Variants in AIG1 observed in about 807,000 individuals in gnomAD.
AIG1 encodes the protein androgen-induced gene 1 protein.
In AIG1, 23 loss-of-function variants were observed where a neutral mutation model predicts 31.4. That is an observed-to-expected ratio of 0.73 (90% confidence interval 0.53 to 1.04). The LOEUF is 1.04. Ranked by LOEUF, AIG1 falls within the 50% of genes least tolerant of loss-of-function variation. The pLI, the probability that AIG1 is intolerant of heterozygous loss-of-function variation, is 0.00. For missense variants in AIG1, 274 were observed against 295.0 expected, an observed-to-expected ratio of 0.93 and a Z score of 0.52; for synonymous variants, 100 against 110.5, an observed-to-expected ratio of 0.90 and a Z score of 0.60.
chr6:143,203,296 A>G (rs1039111737), intron 3 of AIG1, among the ~76,000 whole-genome samples: 2 of 152,186 alleles, frequency 1.3e-5, no homozygotes, highest in Admixed American at 6.5e-5. Context: ...TTCACAGTCC[A>G]TTCTCTAAAC....
intron 3 of AIG1, among the ~76,000 whole-genome samples, chr6:143,276,636 T>C (rs1329232013): frequency 6.6e-6 from 1 of 152,090 alleles, no homozygotes; most frequent in Admixed American, 6.5e-5. Context: ...CAAGAGGAAG[T>C]TCTGTTTGAC....
intron 3 of AIG1, among the ~76,000 whole-genome samples, chr6:143,266,240 G>A (rs145201434): frequency 0.01 from 1,565 of 151,734 alleles, 44 homozygotes; most frequent in East Asian, 0.065. Context: ...CCAGCTACTC[G>A]GGAGGCTGAG....
At chr6:143,219,521 T>C (rs1792303998) in intron 3 of AIG1, among the ~76,000 whole-genome samples, 1 of 152,166 alleles carries the variant, frequency 6.6e-6, no homozygotes, top group Non-Finnish European at 1.5e-5. Flanking sequence ...TTGGTGATTT[T>C]CAAGCCTTGG....
At position 143,130,206 on chromosome 6, in the gene AIG1, G is replaced by A. The variant is rs145732856; in HGVS notation, c.142-6629G>A. Among the ~76,000 whole-genome samples the A allele has an allele frequency of 1.6e-3, 239 of 151,814 alleles. 1 individual carries two copies. Among genetic ancestry groups the A allele is most frequent in the African/African-American group, 5.6e-3 (231 of 41,400 alleles). ...AGTCTCCCAAAGTGCTGGGATTATA[G>A]GTGTGAGCCACCGCGCCCTGCTGAT... On this transcript the variant is annotated intron_variant, in intron 1 of 5. Coordinates refer to ENST00000357847, the MANE Select transcript of AIG1 (RefSeq NM_016108.4).
chr6:143,202,152 A>T (rs1790745299), intron 3 of AIG1, among the ~76,000 whole-genome samples: 1 of 152,174 alleles, frequency 6.6e-6, no homozygotes, highest in Admixed American at 6.5e-5. Flanking sequence ...TCTTCCTCTC[A>T]TTCCTACTGT....
In AIG1 at chr6:143,089,610, A is replaced by T. The variant is rs186097494; in HGVS notation, c.141+28544A>T. On this transcript the variant is annotated intron_variant, in intron 1 of 5. Transcript: ENST00000357847. ...TAGAGGAAAAAGATTTATTTGGCTC[A>T]TGATTCTGCTGGCTGGAAGACTGGG... Among the ~76,000 whole-genome samples the T allele has an allele frequency of 4.2e-4, 64 of 152,336 alleles. 1 individual carries two copies. The highest frequency in any genetic ancestry group is 3.8e-3 in the Admixed American group (58 of 15,300).
chr6:143,252,943 G>T (rs1458676878), intron 3 of AIG1, among the ~76,000 whole-genome samples: 1 of 152,198 alleles, frequency 6.6e-6, no homozygotes, highest in African/African-American at 2.4e-5. Flanking sequence ...TCAGTTTCTA[G>T]CTGGCTTTTG....
chr6:143,143,528 A>AAAAAATAAATATAT (rs1554249782), intron 2 of AIG1, among the ~76,000 whole-genome samples: 1 of 27,784 alleles, frequency 3.6e-5, no homozygotes. Context: ...AAAAAAAAAA[A>AAAAAATAAATATAT]ATATATATAT....
chr6:143,174,727 T>G (rs1328804491), intron 3 of AIG1, among the ~76,000 whole-genome samples: 1 of 152,140 alleles, frequency 6.6e-6, no homozygotes, highest in African/African-American at 2.4e-5. Context: ...AGATGTGAGG[T>G]ACTATTCACT....
At chr6:143,286,242 C>T (rs1311280849) in intron 4 of AIG1, among the ~76,000 whole-genome samples, 2 of 152,184 alleles carry the variant, frequency 1.3e-5, no homozygotes, top group Admixed American at 6.5e-5. Context: ...CAAAGAGACA[C>T]ATGGGAAATA....
rs1788127938 is a variant in AIG1, at chr6:143,176,076, C to A, written c.399+10893C>A. On this transcript the variant is annotated intron_variant, in intron 3 of 5. Coordinates refer to ENST00000357847, the MANE Select transcript of AIG1 (RefSeq NM_016108.4). The stretch of plus-strand genomic sequence containing the variant: ...TCGAACTGCAGTGATTGTTATTTAT[C>A]TTCTGGATCTAGCCACCCAGTGGAG... Among the ~76,000 whole-genome samples the A allele has an allele frequency of 7.2e-5, 11 of 152,294 alleles. No individual in the cohort carries two copies. In the South Asian group the frequency reaches 2.3e-3, roughly 32 times the overall value.
chr6:143,190,325 C>T (rs2128596218), intron 3 of AIG1: 1 of 985,414 alleles, frequency 1.0e-6, no homozygotes. Flanking sequence ...GCCCAGTGAG[C>T]TTTTGATGCT....
At chr6:143,101,619 A>T (rs1310053170) in intron 1 of AIG1, among the ~76,000 whole-genome samples, 2 of 152,102 alleles carry the variant, frequency 1.3e-5, no homozygotes, top group Non-Finnish European at 2.9e-5. Context: ...GACACCGTAG[A>T]AACTGCCTAT....
At chr6:143,244,483 G>A (rs1279168966) in intron 3 of AIG1, among the ~76,000 whole-genome samples, 2 of 152,216 alleles carry the variant, frequency 1.3e-5, no homozygotes, top group African/African-American at 4.8e-5. Flanking sequence ...TATTCCAAGG[G>A]CTGCATGAAT....
intron 3 of AIG1, among the ~76,000 whole-genome samples, chr6:143,226,416 T>C (rs1452214067): frequency 6.8e-6 from 1 of 147,950 alleles, no homozygotes; most frequent in Non-Finnish European, 1.5e-5. Context: ...ATTTTTGTAT[T>C]TTTTTTTTTA....
chr6:143,089,682 C>T (rs1042518334), intron 1 of AIG1, among the ~76,000 whole-genome samples: 12 of 152,068 alleles, frequency 7.9e-5, no homozygotes, highest in Non-Finnish European at 1.8e-4. Context: ...TGAAATGTAA[C>T]GGGGAGCCTG....
At chr6:143,267,759 G>A (rs1242861085) in intron 3 of AIG1, among the ~76,000 whole-genome samples, 3 of 152,164 alleles carry the variant, frequency 2.0e-5, no homozygotes, top group Admixed American at 2.0e-4. Context: ...AAGTTGATGA[G>A]CAGTTTTTGA....
At chr6:143,097,171 T>C (rs919458209) in intron 1 of AIG1, among the ~76,000 whole-genome samples, 9 of 152,016 alleles carry the variant, frequency 5.9e-5, no homozygotes, top group Non-Finnish European at 1.2e-4. Context: ...TTTTTTTTTT[T>C]CCTAAGAGAA....
At chr6:143,217,136 T>C (rs1317346305) in intron 3 of AIG1, among the ~76,000 whole-genome samples, 1 of 152,232 alleles carries the variant, frequency 6.6e-6, no homozygotes, top group African/African-American at 2.4e-5. Flanking sequence ...TTGTTGGTGT[T>C]CCAACAACCA....
Sources: allele counts gnomAD v4.1 joint callset (sites outside exome capture counted in the v4.1 genomes callset), GRCh38; gene constraint gnomAD v4.1.1; transcripts MANE v1.5; gene names NCBI Gene and HGNC (gene_info 2026-07-23, HGNC 2026-07-21).